AIG1: variants seen among roughly 807,000 people sequenced by gnomAD.
AIG1 encodes androgen induced 1.
In AIG1, 23 loss-of-function variants were observed where a neutral mutation model predicts 31.4. The ratio of observed to expected loss-of-function variants is 0.73; its 90% confidence interval spans 0.53 to 1.04. The LOEUF is 1.04. AIG1 is among the 50% of genes least tolerant of loss of function. The probability of loss-of-function intolerance (pLI) is 0.00; values close to 1 mark genes in which losing one functional copy is unlikely to be tolerated. For synonymous variants in AIG1, 100 were observed against 110.5 expected (o/e 0.90, Z 0.60); for missense variants, 274 against 295.0 (o/e 0.93, Z 0.52).
At chr6:143,281,850 G>A (rs1431957151) in intron 3 of AIG1, among the ~76,000 whole-genome samples, 2 of 152,208 alleles carry the variant, frequency 1.3e-5, no homozygotes, top group Non-Finnish European at 2.9e-5. Context: ...ACCTGCACAT[G>A]CACAGCTAGC....
chr6:143,229,258 G>GT (rs1265602954), intron 3 of AIG1, among the ~76,000 whole-genome samples: 17 of 152,348 alleles, frequency 1.1e-4, no homozygotes, highest in Admixed American at 1.1e-3. Flanking sequence ...GACTTAAGTT[G>GT]TAATTCTGGC....
chr6:143,333,972 GTC>G lies in AIG1; in HGVS notation c.679+529_679+530del. 1.6e-6 allele frequency: 2 copies of G among 1,267,382 alleles called. No homozygotes were observed. The highest frequency in any genetic ancestry group is 2.2e-6 in the Non-Finnish European group (2 of 900,980). The allele number at this position is 1,267,382 out of a possible 1,614,324, so 78.5% of individuals were successfully genotyped here. ...GACTCACCAGTGGCTGTCACGGAAAGTCTGAAAGTGGCAAAGAGCTACAAGCA... is the reference window on the plus strand; with the variant it reads ...GACTCACCAGTGGCTGTCACGGAAAGTGAAAGTGGCAAAGAGCTACAAGCA... On this transcript the variant is annotated intron_variant, in intron 5 of 5. Coordinates refer to ENST00000357847, the MANE Select transcript of AIG1 (RefSeq NM_016108.4). The surrounding 1 kb of genome is among the most constrained non-coding windows in gnomAD (Gnocchi z 4.6).
intron 3 of AIG1, among the ~76,000 whole-genome samples, chr6:143,196,789 A>G (rs1790277093): frequency 6.6e-6 from 1 of 152,184 alleles, no homozygotes; most frequent in Non-Finnish European, 1.5e-5. Context: ...ATCAGACATA[A>G]ATGCTTCTCA....
chr6:143,142,051 TTA>T (rs1389542187), intron 2 of AIG1, among the ~76,000 whole-genome samples: 2 of 152,090 alleles, frequency 1.3e-5, no homozygotes, highest in Admixed American at 6.6e-5. Flanking sequence ...GAACAATTAT[TTA>T]TATATTTTAT....
chr6:143,119,264 T>C (rs1782037095), intron 1 of AIG1, among the ~76,000 whole-genome samples: 1 of 152,220 alleles, frequency 6.6e-6, no homozygotes. Flanking sequence ...AATTTAAGTA[T>C]CAAACACTCC....
In AIG1 at chr6:143,291,169, G is replaced by A. The variant is rs1302387864; in HGVS notation, c.515+6944G>A. 6.6e-6 allele frequency among the ~76,000 whole-genome samples: 1 copy of A among 152,180 alleles called. No individual in the cohort carries two copies. Among genetic ancestry groups the A allele is most frequent in the East Asian group, 1.9e-4 (1 of 5,204 alleles). On this transcript the variant is annotated intron_variant, in intron 4 of 5. Transcript: ENST00000357847. The surrounding 1 kb of genome is among the most constrained non-coding windows in gnomAD (Gnocchi z 4.2). ...AAAGAGTCTTGGAAGGATATGGCAG[G>A]GCAGAGGGAGGGGGAGCTGTAAAGC...
At chr6:143,307,833 C>A (rs1206040333) in intron 4 of AIG1, among the ~76,000 whole-genome samples, 1 of 152,236 alleles carries the variant, frequency 6.6e-6, no homozygotes, top group Non-Finnish European at 1.5e-5. Context: ...GGCAGGCAGG[C>A]CTCCCTGAGC....
chr6:143,171,440 A>ATTTAATATATATATTT (rs1366247892), intron 3 of AIG1, among the ~76,000 whole-genome samples: 1 of 91,414 alleles, frequency 1.1e-5, no homozygotes, highest in East Asian at 4.5e-4. Context: ...TAATATATAT[A>ATTTAATATATATATTT]TAATATATAT....
intron 3 of AIG1, among the ~76,000 whole-genome samples, chr6:143,197,441 C>G (rs1790338179): frequency 6.6e-6 from 1 of 152,152 alleles, no homozygotes; most frequent in East Asian, 1.9e-4. Context: ...TCTCCCACTA[C>G]TCAAGAAGAA....
chr6:143,180,562 G>T (rs1267984537), intron 3 of AIG1, among the ~76,000 whole-genome samples: 1 of 152,206 alleles, frequency 6.6e-6, no homozygotes. Flanking sequence ...CAGAAAGATT[G>T]CTGAGCTTCA....
Position 143,268,709 on chromosome 6 carries a change from A to AT in AIG1, c.400-15397dup, listed in dbSNP as rs1670577331. On this transcript the variant is annotated intron_variant, in intron 3 of 5. Transcript: ENST00000357847. The surrounding 1 kb of genome is among the most constrained non-coding windows in gnomAD (Gnocchi z 5.0). ...TTAACTGTAGGTATGCCATCTATGG[A>AT]TTTTAAAATCAGAGGTTCAGACTAG... Among the ~76,000 whole-genome samples the AT allele has an allele frequency of 6.6e-6, 1 of 152,170 alleles. No individual in the cohort carries two copies. Among genetic ancestry groups the AT allele is most frequent in the African/African-American group, 2.4e-5 (1 of 41,432 alleles).
At chr6:143,262,855 A>G (rs1471644906) in intron 3 of AIG1, among the ~76,000 whole-genome samples, 2 of 152,196 alleles carry the variant, frequency 1.3e-5, no homozygotes, top group Non-Finnish European at 2.9e-5. Flanking sequence ...AATGGTGGTC[A>G]GTTTTTCAAA....
At chr6:143,155,366 G>A (rs1315199790) in intron 2 of AIG1, among the ~76,000 whole-genome samples, 1 of 152,178 alleles carries the variant, frequency 6.6e-6, no homozygotes, top group Non-Finnish European at 1.5e-5. Flanking sequence ...CAAAGCTGGG[G>A]CAGCTCAGGA....
At chr6:143,272,125 TGATTATACTGAGATA>T in intron 3 of AIG1, among the ~76,000 whole-genome samples, 1 of 152,332 alleles carries the variant, frequency 6.6e-6, no homozygotes, top group East Asian at 1.9e-4. Flanking sequence ...TATTTCTATT[TGATTATACTGAGATA>T]GATCTCAGTA....
intron 3 of AIG1, among the ~76,000 whole-genome samples, chr6:143,228,407 C>T (rs1246490372): frequency 1.3e-5 from 2 of 152,226 alleles, no homozygotes; most frequent in Non-Finnish European, 2.9e-5. Context: ...GGTAAGGCTA[C>T]CTCTACAGCG....
chr6:143,280,824 G>T lies in AIG1; in HGVS notation c.400-3286G>T, dbSNP rs1016307478. Among the ~76,000 whole-genome samples, 1 of 152,050 alleles carries T rather than the reference G, an allele frequency of 6.6e-6. No individual in the cohort carries two copies. The highest frequency in any genetic ancestry group is 1.5e-5 in the Non-Finnish European group (1 of 68,014). On this transcript the variant is annotated intron_variant, in intron 3 of 5. Transcript: ENST00000357847. The surrounding 1 kb of genome is among the most constrained non-coding windows in gnomAD (Gnocchi z 4.1). ...AATACGTACAATGAAACCCCATGAC[G>T]TGTGTTTACCTATGTAACAAACCTT...
chr6:143,184,155 G>A (rs1789005160), intron 3 of AIG1, among the ~76,000 whole-genome samples: 1 of 152,176 alleles, frequency 6.6e-6, no homozygotes, highest in African/African-American at 2.4e-5. Context: ...TTCACCCTCT[G>A]ATTAAGCATC....
At chr6:143,226,645 CAG>C (rs1792985079) in intron 3 of AIG1, among the ~76,000 whole-genome samples, 1 of 152,070 alleles carries the variant, frequency 6.6e-6, no homozygotes, top group Non-Finnish European at 1.5e-5. Context: ...ACTTTCATCT[CAG>C]TGTGTGTTTT....
At position 143,260,279 on chromosome 6, in the gene AIG1, T is replaced by TA. The variant is rs151329694; in HGVS notation, c.400-23828dup. ...GCCCGCGTCGGCCTCCTGCCGACTG[T>TA]AAAGGGCTGGGATTACAGGCATGAG... On this transcript the variant is annotated intron_variant, in intron 3 of 5. Transcript: ENST00000357847. Among the ~76,000 whole-genome samples, 1,434 of 152,296 alleles carry TA rather than the reference T, an allele frequency of 9.4e-3. 43 individuals are homozygous for TA. Among genetic ancestry groups the TA allele is most frequent in the East Asian group, 0.065 (334 of 5,174 alleles).
Sources: allele counts gnomAD v4.1 joint callset (sites outside exome capture counted in the v4.1 genomes callset), GRCh38; gene constraint gnomAD v4.1.1; non-coding constraint Gnocchi (gnomAD v3.1); transcripts MANE v1.5; gene names NCBI Gene and HGNC (gene_info 2026-07-23, HGNC 2026-07-21).